The following PDS5A variants were observed in gnomAD, a reference collection of about 807,000 sequenced individuals.
PDS5A encodes the protein sister chromatid cohesion protein PDS5 homolog A.
Under a neutral mutation model 167.1 loss-of-function variants are expected in PDS5A, and 42 were observed. The observed-to-expected ratio is 0.25, with a 90% CI of 0.20 to 0.33. The LOEUF (loss-of-function observed/expected upper bound fraction) is 0.33. Ranked by LOEUF, PDS5A falls within the 10% of genes least tolerant of loss-of-function variation. PDS5A has a pLI of 1.00. For synonymous variants in PDS5A, 553 were observed against 554.6 expected (o/e 1.00, Z 0.04); for missense variants, 1,033 against 1,605.9 (o/e 0.64, Z 6.10).
At chr4:39,844,843 T>G in intron 29 of PDS5A, 42 bp from the exon 30 acceptor site, 1 of 1,563,126 alleles carries the variant, frequency 6.4e-7, no homozygotes, top group Non-Finnish European at 8.6e-7. Flanking sequence ...CACACACGTT[T>G]ATACCTTACC....
chr4:39,966,102 G>A (rs1202339321), intron 2 of PDS5A, among the ~76,000 whole-genome samples: 1 of 152,088 alleles, frequency 6.6e-6, no homozygotes, highest in African/African-American at 2.4e-5. Flanking sequence ...ATTATTTTAG[G>A]ACATGATTTT....
intron 32 of PDS5A, among the ~76,000 whole-genome samples, chr4:39,833,452 G>A (rs1413041238): frequency 6.6e-6 from 1 of 152,058 alleles, no homozygotes; most frequent in African/African-American, 2.4e-5. Context: ...GGAGTGGCAT[G>A]ATCATGACTC....
intron 26 of PDS5A, among the ~76,000 whole-genome samples, chr4:39,854,029 C>T (rs566807992): frequency 3.9e-5 from 6 of 152,148 alleles, no homozygotes; most frequent in Non-Finnish European, 5.9e-5. Flanking sequence ...AGGATGCGTG[C>T]GGTGGCTCAC....
rs556811484 is a variant in PDS5A, at chr4:39,931,783, G to A, written c.139-3619C>T. On this transcript the variant is annotated intron_variant, in intron 2 of 32. Transcript: ENST00000303538. ...GGACTATACAAGGGAGTAAATACAAGGAAATAAGGATCATTCAGAGCTATC... is the reference window on the plus strand; with the variant it reads ...GGACTATACAAGGGAGTAAATACAAAGAAATAAGGATCATTCAGAGCTATC... Among the ~76,000 whole-genome samples, 13 of 152,162 alleles carry A rather than the reference G, an allele frequency of 8.5e-5. No individual in the cohort carries two copies. The South Asian group carries it at 1.9e-3, about 22-fold the overall frequency.
chr4:39,973,573 A>C, intron 2 of PDS5A: 2 of 1,263,334 alleles, frequency 1.6e-6, no homozygotes, highest in Non-Finnish European at 1.2e-6. Flanking sequence ...GGGTGGTCAC[A>C]GCAAAGGGTT....
At position 39,922,709 on chromosome 4, in the gene PDS5A, A is replaced by G. The variant is rs563432054; in HGVS notation, c.567T>C (p.Asp189=). The G allele has an allele frequency of 1.9e-6, 3 of 1,586,914 alleles. No homozygotes were observed. The highest frequency in any genetic ancestry group is 2.7e-5 in the African/African-American group (2 of 74,104). ...HNKKVQMHML[D]LMSSIIMEGD... ...CTTCCATGATGATAGAACTCATCAA[A>G]TCTAGCATGTGCATTTGTACCTTCT... The change falls in exon 6 of 33, where the codon GAT becomes GAC. Residue 189 remains aspartate, a synonymous_variant. Coordinates refer to ENST00000303538, the MANE Select transcript of PDS5A (RefSeq NM_001100399.2).
chr4:39,900,562 C>T, intron 13 of PDS5A, 55 bp from the exon 14 acceptor site: 1 of 1,157,558 alleles, frequency 8.6e-7, no homozygotes, highest in Admixed American at 2.0e-5. Flanking sequence ...GGAAATTATT[C>T]AGCTTTACAA....
At chr4:39,937,418 TA>T (rs1280056353) in intron 2 of PDS5A, among the ~76,000 whole-genome samples, 1 of 152,186 alleles carries the variant, frequency 6.6e-6, no homozygotes, top group Non-Finnish European at 1.5e-5. Context: ...AAATTTTTTT[TA>T]ATTTTATTTT....
Position 39,908,443 on chromosome 4 carries a change from T to C in PDS5A, c.1185A>G (p.Val395=). ...TTACAAAGCCAAGCAGCTGATCATT[T>C]ACTAAGGCCAGGTCCCTCTTGGCAG... is the stretch of plus-strand genomic sequence containing the variant. The part of the protein sequence containing the change: ...ITAAKRDLAL[V]NDQLLGFVRE... Residue 395 remains valine (V), a synonymous_variant, in exon 11 of 33, where the codon GTA becomes GTG. Coordinates refer to ENST00000303538, the MANE Select transcript of PDS5A (RefSeq NM_001100399.2). 4 of 1,612,846 alleles carry C rather than the reference T, an allele frequency of 2.5e-6. No individual in the cohort carries two copies. The highest frequency in any genetic ancestry group is 3.4e-6 in the Non-Finnish European group (4 of 1,178,866).
rs1717868415 is a variant in PDS5A at position 39,848,845 on chromosome 4, A to C, written c.3339+6T>G. ...GTGGTAGGAAAAATGAGAGGAAGAA[A>C]ATTACCTTTTCAGGTTGTGTAAAAA... On this transcript the variant is annotated splice_donor_region_variant and intron_variant, in intron 28 of 32. Transcript: ENST00000303538. 2.5e-6 allele frequency: 4 copies of C among 1,582,786 alleles called. No homozygotes were observed. Among genetic ancestry groups the C allele is most frequent in the African/African-American group, 1.3e-5 (1 of 74,500 alleles).
At chr4:39,926,752 T>C (rs964510630) in intron 4 of PDS5A, 23 bp downstream of exon 4, 1 of 1,321,470 alleles carries the variant, frequency 7.6e-7, no homozygotes. Flanking sequence ...TGTTAATAGT[T>C]ATTAAAGTTT....
In PDS5A at chr4:39,874,304, A is replaced by G. The variant is rs372770965; in HGVS notation, c.2262T>C (p.Leu754=). The G allele has an allele frequency of 6.2e-7, 1 of 1,612,886 alleles. No individual in the cohort carries two copies. The highest frequency in any genetic ancestry group is 8.5e-7 in the Non-Finnish European group (1 of 1,179,120). Residue 754 remains leucine, a synonymous_variant, in exon 20 of 33, where the codon CTT becomes CTC. Coordinates refer to ENST00000303538, the MANE Select transcript of PDS5A (RefSeq NM_001100399.2). The stretch of plus-strand genomic sequence containing the variant: ...TTAGATATACCTCAAAAATCTGTGC[A>G]AGCTGGACTTCTTTATTTGTGAATA... ...HAIFTNKEVQ[L]AQIFEPLSRS... is the part of the protein sequence containing the mutation.
At chr4:39,951,920 A>AAAC (rs58625322) in intron 2 of PDS5A, among the ~76,000 whole-genome samples, 1 of 150,928 alleles carries the variant, frequency 6.6e-6, no homozygotes, top group South Asian at 2.1e-4. Flanking sequence ...AAAAAAAAAA[A>AAAC]TCTGTATCAC....
rs1578592469 is a variant in PDS5A, at chr4:39,844,808, A to G, written c.3403-7T>C. Reference sequence around the variant, plus strand: ...GTACTCCAGCAGGCTTTGGCTAAAAACAAAAACAAAAAACCCCCCAAAAAC... The same window carrying G: ...GTACTCCAGCAGGCTTTGGCTAAAAGCAAAAACAAAAAACCCCCCAAAAAC... On this transcript the variant is annotated splice_region_variant and splice_polypyrimidine_tract_variant and intron_variant, in intron 29 of 32. Transcript: ENST00000303538. 2.5e-6 allele frequency: 4 copies of G among 1,589,332 alleles called. No homozygotes were observed. In the East Asian group the frequency reaches 8.9e-5, roughly 35 times the overall value.
intron 2 of PDS5A, among the ~76,000 whole-genome samples, chr4:39,962,375 A>G (rs777670387): frequency 6.6e-6 from 1 of 152,084 alleles, no homozygotes; most frequent in South Asian, 2.1e-4. Context: ...GTTTTTAAGG[A>G]AATCTAGAGT....
At chr4:39,872,130 C>G (rs1395484807) in intron 21 of PDS5A, among the ~76,000 whole-genome samples, 1 of 150,318 alleles carries the variant, frequency 6.7e-6, no homozygotes, top group African/African-American at 2.4e-5. Flanking sequence ...GCCAAAAGTA[C>G]AGTGTATTAT....
chr4:39,975,566 C>T (rs147441652), intron 2 of PDS5A, among the ~76,000 whole-genome samples: 10 of 152,266 alleles, frequency 6.6e-5, no homozygotes, highest in African/African-American at 2.4e-4. Context: ...CATAGCCCTA[C>T]CTGAAGATTT....
In PDS5A at chr4:39,919,367, C is replaced by T. The variant is rs538723003; in HGVS notation, c.735+952G>A. Among the ~76,000 whole-genome samples the T allele has an allele frequency of 2.7e-4, 41 of 152,234 alleles. 1 individual carries two copies. The highest frequency in any genetic ancestry group is 9.9e-4 in the African/African-American group (41 of 41,548). ...CGATAAAAATTTTACATAAAATAGC[C>T]GGGTGCGGTGGCTCACGCCTGTAAT... On this transcript the variant is annotated intron_variant, in intron 7 of 32. Coordinates refer to ENST00000303538, the MANE Select transcript of PDS5A (RefSeq NM_001100399.2).
At chr4:39,962,694 G>C (rs7670032) in intron 2 of PDS5A, among the ~76,000 whole-genome samples, 143,511 of 152,064 alleles carry the variant, frequency 0.94, 67,753 homozygotes, top group South Asian at 0.99. Context: ...ATCCCATCTA[G>C]TTGGGAGGCT....
Sources: allele counts gnomAD v4.1 joint callset (sites outside exome capture counted in the v4.1 genomes callset), GRCh38; gene constraint gnomAD v4.1.1; transcripts MANE v1.5; gene names NCBI Gene and HGNC (gene_info 2026-07-23, HGNC 2026-07-21).